RP1: variants seen among roughly 807,000 people sequenced by gnomAD.
RP1 encodes the protein oxygen-regulated protein 1.
In RP1, 16 loss-of-function variants were observed where a neutral mutation model predicts 14.8. That is an observed-to-expected ratio of 1.08 (90% CI 0.73 to 1.65). The LOEUF (loss-of-function observed/expected upper bound fraction) is 1.65. RP1 is among the 40% of genes most tolerant of loss of function. RP1 has a pLI of 0.00. For synonymous variants in RP1, 876 were observed against 883.6 expected (o/e 0.99, Z 0.15); for missense variants, 2,631 against 2,535.0 (o/e 1.04, Z -0.81).
In RP1 at chr8:54,606,619, T is replaced by A. The variant is rs527563126; in HGVS notation, c.-12-14336T>A. Reference sequence around the variant, plus strand: ...TGCTAGATTGGGGAAGTTCTCCTGGTTAATATCCTGCAGAGTGTTTTCCAA... The same window carrying A: ...TGCTAGATTGGGGAAGTTCTCCTGGATAATATCCTGCAGAGTGTTTTCCAA... On this transcript the variant is annotated intron_variant, in intron 1 of 22. Transcript: ENST00000636932. Among the ~76,000 whole-genome samples the A allele has an allele frequency of 7.8e-3, 1,191 of 152,292 alleles. 4 individuals are homozygous for A. The highest frequency in any genetic ancestry group is 0.027 in the Middle Eastern group (8 of 294).
At chr8:54,803,093 C>T (rs1424885465) in intron 24 of RP1, among the ~76,000 whole-genome samples, 1 of 151,908 alleles carries the variant, frequency 6.6e-6, no homozygotes, top group Admixed American at 6.6e-5. Flanking sequence ...TGAGTATTTT[C>T]TACATCTTCT....
At chr8:54,796,720 A>G (rs994673380) in intron 24 of RP1, among the ~76,000 whole-genome samples, 4 of 152,176 alleles carry the variant, frequency 2.6e-5, no homozygotes, top group African/African-American at 9.6e-5. Flanking sequence ...GTATGGCCTC[A>G]TTGACGTCTT....
intron 7 of RP1, among the ~76,000 whole-genome samples, chr8:54,669,018 T>C (rs1044941938): frequency 9.2e-5 from 14 of 152,068 alleles, no homozygotes; most frequent in African/African-American, 3.4e-4. Context: ...AAAGCCAAAA[T>C]AGACAAATGG....
chr8:54,668,827 G>C (rs1807077171), intron 7 of RP1, among the ~76,000 whole-genome samples: 1 of 152,128 alleles, frequency 6.6e-6, no homozygotes, highest in South Asian at 2.1e-4. Flanking sequence ...AGCTGAAACT[G>C]TAGAAAGCTG....
intron 13 of RP1, among the ~76,000 whole-genome samples, chr8:54,700,988 CCCTACTG>C (rs1427833841): frequency 6.6e-6 from 1 of 152,192 alleles, no homozygotes; most frequent in Non-Finnish European, 1.5e-5. Context: ...CCTCTTCACA[CCCTACTG>C]CCTCCCTGGG....
chr8:54,788,747 G>A (rs886793190), intron 24 of RP1, among the ~76,000 whole-genome samples: 1 of 152,122 alleles, frequency 6.6e-6, no homozygotes, highest in Non-Finnish European at 1.5e-5. Flanking sequence ...AAAATAAATT[G>A]CAGAAATAAA....
chr8:54,759,046 C>T, exon 22 of RP1: 1 of 1,535,388 alleles, frequency 6.5e-7, no homozygotes, highest in Non-Finnish European at 8.7e-7. Flanking sequence ...GAGCCCGGCA[C>T]CACATCCGAG....
At chr8:54,578,741 G>A (rs1298466357) in intron 1 of RP1, among the ~76,000 whole-genome samples, 1 of 152,076 alleles carries the variant, frequency 6.6e-6, no homozygotes, top group South Asian at 2.1e-4. Flanking sequence ...ATCAAAGAAG[G>A]GTTTTCAACA....
intron 4 of RP1, chr8:54,649,175 G>T (rs1281050512): frequency 2.8e-5 from 40 of 1,435,786 alleles, no homozygotes; most frequent in Non-Finnish European, 3.5e-5. Flanking sequence ...AGTATAAACT[G>T]TTAATATAAG....
At chr8:54,773,792 G>T (rs1230524163), downstream of RP1, among the ~76,000 whole-genome samples, 1 of 152,162 alleles carries the variant, frequency 6.6e-6, no homozygotes, top group Non-Finnish European at 1.5e-5. Flanking sequence ...TAATGACTCA[G>T]CTTCCTACAT....
chr8:54,784,070 C>A (rs1810257737), intron 24 of RP1, among the ~76,000 whole-genome samples: 1 of 152,108 alleles, frequency 6.6e-6, no homozygotes. Flanking sequence ...TTTCCACAAG[C>A]ACACTAACAC....
intron 19 of RP1, among the ~76,000 whole-genome samples, chr8:54,741,707 G>GTATGTA (rs1554528863): frequency 3.4e-5 from 2 of 58,036 alleles, no homozygotes; most frequent in Non-Finnish European, 6.3e-5. Context: ...AAATGTGTGT[G>GTATGTA]TATATATATA....
At chr8:54,641,359 A>C (rs990462074) in intron 3 of RP1, among the ~76,000 whole-genome samples, 2 of 152,180 alleles carry the variant, frequency 1.3e-5, no homozygotes, top group Non-Finnish European at 2.9e-5. Context: ...TCACTCAGGC[A>C]TGTAGACAGA....
intron 12 of RP1, among the ~76,000 whole-genome samples, chr8:54,681,288 C>G (rs1219135831): frequency 6.6e-6 from 1 of 152,050 alleles, no homozygotes; most frequent in Non-Finnish European, 1.5e-5. Context: ...GGGTCAGAGA[C>G]CAAGACCATT....
At chr8:54,604,545 G>A (rs1805378979) in intron 1 of RP1, among the ~76,000 whole-genome samples, 1 of 152,064 alleles carries the variant, frequency 6.6e-6, no homozygotes, top group African/African-American at 2.4e-5. Context: ...GGATGATGCT[G>A]GCCTCATAAA....
chr8:54,657,380 T>C (rs1585584972), intron 6 of RP1, among the ~76,000 whole-genome samples: 1 of 152,342 alleles, frequency 6.6e-6, no homozygotes, highest in East Asian at 1.9e-4. Context: ...TGTGTAGGGC[T>C]TGACCCTTAT....
At chr8:54,869,982 A>G (rs1285070385) in exon 29 of RP1, 4 of 928,298 alleles carry the variant, frequency 4.3e-6, no homozygotes, top group Non-Finnish European at 5.6e-6. Flanking sequence ...ATGCTTCAAA[A>G]GGCTATTGAT....
In RP1 at chr8:54,626,116, C is replaced by T. The variant is rs1348070550; in HGVS notation, c.2234C>T (p.Ser745Phe). The change falls in exon 4 of 4, where the codon TCC becomes TTC. Residue 745 changes from serine (S) to phenylalanine (F), a missense_variant. Transcript: ENST00000220676. The part of the protein sequence containing the change: ...DTVIESNTFC[S>F]KSNLNSTISK... Reference sequence around the variant, plus strand: ...GTAATTGAATCAAATACTTTTTGTTCCAAAAGTAATCTCAATTCCACGATT... The same window carrying T: ...GTAATTGAATCAAATACTTTTTGTTTCAAAAGTAATCTCAATTCCACGATT... 1 of 1,612,892 alleles carries T rather than the reference C, an allele frequency of 6.2e-7. No individual in the cohort carries two copies. Among genetic ancestry groups the T allele is most frequent in the South Asian group, 1.1e-5 (1 of 90,882 alleles).
At chr8:54,869,466 TAG>T (rs2129331036) in intron 28 of RP1, among the ~76,000 whole-genome samples, 1 of 152,350 alleles carries the variant, frequency 6.6e-6, no homozygotes, top group South Asian at 2.1e-4. Flanking sequence ...AGTGCTGTCC[TAG>T]AGTCTGAGGG....
Sources: allele counts gnomAD v4.1 joint callset (sites outside exome capture counted in the v4.1 genomes callset), GRCh38; gene constraint gnomAD v4.1.1; transcripts MANE v1.5; gene names NCBI Gene and HGNC (gene_info 2026-07-23, HGNC 2026-07-21).